Variants in PAICS observed in about 807,000 individuals in gnomAD.
PAICS encodes the protein phosphoribosylaminoimidazole carboxylase and phosphoribosylaminoimidazolesuccinocarboxamide synthase, also known as bifunctional phosphoribosylaminoimidazole carboxylase/phosphoribosylaminoimidazole succinocarboxamide synthetase.
Under a neutral mutation model 53.7 loss-of-function variants are expected in PAICS, and 33 were observed. The observed-to-expected ratio is 0.61, with a 90% CI of 0.47 to 0.82. PAICS has a LOEUF of 0.82. PAICS is among the 40% of genes least tolerant of loss of function. The pLI is 0.00. For missense variants in PAICS, 394 were observed against 494.1 expected (o/e 0.80, Z 1.92); for synonymous variants, 141 against 167.2 (o/e 0.84, Z 1.21).
rs989673986 is a variant in PAICS, at chr4:56,460,321, G to A, written c.*783G>A. ...ACTCACTGTTGCAAGTCAGAAGCTTGATTTCATCATTGATGTTTTTCTCAC... is the reference window on the plus strand; with the variant it reads ...ACTCACTGTTGCAAGTCAGAAGCTTAATTTCATCATTGATGTTTTTCTCAC... On this transcript the variant is annotated 3_prime_UTR_variant, in exon 9 of 9. Transcript: ENST00000512576. 1 of 152,146 alleles carries A rather than the reference G, an allele frequency of 6.6e-6. No individual in the cohort carries two copies. Among genetic ancestry groups the A allele is most frequent in the African/African-American group, 2.4e-5 (1 of 41,436 alleles). The allele number at this position is 152,146 out of a possible 1,614,324, so 9.4% of individuals were successfully genotyped here.
At chr4:56,446,192 G>A (rs1718605924) in intron 2 of PAICS, among the ~76,000 whole-genome samples, 1 of 152,102 alleles carries the variant, frequency 6.6e-6, no homozygotes, top group South Asian at 2.1e-4. Flanking sequence ...CCAATTCAGT[G>A]GCATTATGTG....
At chr4:56,435,507 G>A (rs1717859996), upstream of PAICS, 1 of 1,612,564 alleles carries the variant, frequency 6.2e-7, no homozygotes, top group Non-Finnish European at 8.5e-7. Flanking sequence ...GGAAGGACCT[G>A]CCGCTGCGGC....
At chr4:56,432,470 G>A (rs998592848), upstream of PAICS, among the ~76,000 whole-genome samples, 3 of 147,930 alleles carry the variant, frequency 2.0e-5, no homozygotes, top group Non-Finnish European at 3.0e-5. Context: ...AGGTTGCAAT[G>A]AGCCCAGATC....
intron 3 of PAICS, among the ~76,000 whole-genome samples, chr4:56,447,765 A>G (rs1309582215): frequency 6.6e-6 from 1 of 152,224 alleles, no homozygotes; most frequent in Non-Finnish European, 1.5e-5. Context: ...TTAAAGTGCT[A>G]TTGAGAGTAA....
At chr4:56,450,953 G>T in intron 6 of PAICS, 1 of 309,384 alleles carries the variant, frequency 3.2e-6, no homozygotes, top group Admixed American at 4.7e-5. Flanking sequence ...GAGTAGCTGG[G>T]ACTACAGGCG....
At chr4:56,428,362 A>C in the PAICS span, among the ~76,000 whole-genome samples, 1 of 152,228 alleles carries the variant, frequency 6.6e-6, no homozygotes, top group Admixed American at 6.5e-5. Flanking sequence ...TGATGAAAAA[A>C]TTAAGCGAAT....
At chr4:56,450,369 C>T (rs1034944514) in intron 5 of PAICS, among the ~76,000 whole-genome samples, 1 of 152,118 alleles carries the variant, frequency 6.6e-6, no homozygotes, top group Non-Finnish European at 1.5e-5. Flanking sequence ...CCTTTCTATA[C>T]TTAATATATA....
rs201315571 is a variant in PAICS at position 56,446,766 on chromosome 4, A to G, written c.286A>G (p.Ile96Val). ...TGCACCGCAGTGTGAAATGATTCCA[A>G]TTGAATGGGTTTGCAGAAGAATAGC... is the stretch of plus-strand genomic sequence containing the variant. ...FIAPQCEMIPIEWVCRRIATG... is the reference protein window; with the variant it reads ...FIAPQCEMIPVEWVCRRIATG... The change falls in exon 3 of 9, where the codon ATT (isoleucine) becomes GTT (valine). Residue 96 changes from isoleucine (I) to valine (V), a missense_variant. Coordinates refer to ENST00000512576, the MANE Select transcript of PAICS (RefSeq NM_001079524.2). 1.2e-4 allele frequency: 185 copies of G among 1,607,462 alleles called. No individual in the cohort carries two copies. Among genetic ancestry groups the G allele is most frequent in the Non-Finnish European group, 1.5e-4 (175 of 1,176,372 alleles).
chr4:56,431,195 T>C (rs1042275134), upstream of PAICS, among the ~76,000 whole-genome samples: 12 of 152,204 alleles, frequency 7.9e-5, no homozygotes, highest in Admixed American at 7.2e-4. Context: ...TATAGGAATG[T>C]TACATATTTG....
At chr4:56,435,753 G>A, upstream of PAICS, 1 of 1,491,982 alleles carries the variant, frequency 6.7e-7, no homozygotes, top group Non-Finnish European at 8.9e-7. Flanking sequence ...GGTGGAGCTA[G>A]CCTTCCCCTA....
rs1197134139 is a variant in PAICS, at chr4:56,461,473, C to A, written c.*1935C>A. On this transcript the variant is annotated 3_prime_UTR_variant, in exon 9 of 9. Transcript: ENST00000512576. Reference sequence around the variant, plus strand: ...CAGTATATGAAAATTTTTAAACTTTCATTTAGACTGGTGGATAGGACTGAC... The same window carrying A: ...CAGTATATGAAAATTTTTAAACTTTAATTTAGACTGGTGGATAGGACTGAC... 1.3e-5 allele frequency: 2 copies of A among 152,084 alleles called. No individual in the cohort carries two copies. Among genetic ancestry groups the A allele is most frequent in the Non-Finnish European group, 2.9e-5 (2 of 67,996 alleles). 9.4% of individuals were successfully genotyped at this position (152,084 alleles called of 1,614,324 possible).
chr4:56,438,402 T>TAA lies in PAICS; in HGVS notation c.16+2077_16+2078dup, dbSNP rs1553941216. On this transcript the variant is annotated intron_variant, in intron 1 of 8. Transcript: ENST00000512576. ...ATATATATATATATATATATATATA[T>TAA]AAAAGGTTTTTTTTGTTGTTGTTTT... is the stretch of plus-strand genomic sequence containing the variant. 8.4e-3 allele frequency among the ~76,000 whole-genome samples: 1,115 copies of TAA among 132,132 alleles called. 26 individuals are homozygous for TAA. Among genetic ancestry groups the TAA allele is most frequent in the African/African-American group, 0.028 (1,044 of 36,652 alleles). The allele number at this position is 132,132 out of a possible 152,430, so 86.7% of individuals were successfully genotyped here. A position where few individuals can be genotyped will look rare whatever the true frequency, so the allele number is the denominator to read the frequency against.
At chr4:56,435,223 A>G (rs1717834987), upstream of PAICS, 1 of 1,370,922 alleles carries the variant, frequency 7.3e-7, no homozygotes, top group Admixed American at 2.0e-5. Flanking sequence ...CGCCACAGGC[A>G]GGTACTGGCT....
intron 2 of PAICS, 47 bp downstream of exon 2, chr4:56,441,907 A>G (rs1468548944): frequency 1.0e-5 from 13 of 1,262,562 alleles, no homozygotes; most frequent in Non-Finnish European, 1.3e-5. Flanking sequence ...TCTGGTAAGC[A>G]TGTCGATGTC....
the PAICS span, chr4:56,421,440 G>C: frequency 1.3e-5 from 2 of 152,412 alleles, no homozygotes; most frequent in Non-Finnish European, 2.9e-5. Flanking sequence ...CTGGTCCATG[G>C]AAAAATTGTC....
In PAICS at chr4:56,459,544, A is replaced by G; in HGVS notation, c.*6A>G. 1 of 1,530,942 alleles carries G rather than the reference A, an allele frequency of 6.5e-7. No individual in the cohort carries two copies. The highest frequency in any genetic ancestry group is 8.9e-7 in the Non-Finnish European group (1 of 1,129,014). The allele number at this position is 1,530,942 out of a possible 1,614,324, so 94.8% of individuals were successfully genotyped here. ...TCAGAGAATGTAATTTATAAGAAAGAATGCCATTGAATTTTTTAGGGGAAA... is the reference window on the plus strand; with the variant it reads ...TCAGAGAATGTAATTTATAAGAAAGGATGCCATTGAATTTTTTAGGGGAAA... On this transcript the variant is annotated 3_prime_UTR_variant, in exon 9 of 9. Coordinates refer to ENST00000512576, the MANE Select transcript of PAICS (RefSeq NM_001079524.2).
intron 5 of PAICS, among the ~76,000 whole-genome samples, chr4:56,449,805 C>CAAA (rs753536092): frequency 1.3e-4 from 12 of 92,610 alleles, no homozygotes; most frequent in African/African-American, 3.3e-4. Context: ...AACCTTGTCT[C>CAAA]AAAAAAAAAA....
At position 56,446,855 on chromosome 4, in the gene PAICS, AGTG is replaced by A. The variant is rs1718644961; in HGVS notation, c.377_379del (p.Val126del). ...AAGGATATAAGTTTTACCCACCTAA[AGTG>A]GAGTTGTTTTTCAAGGTAATTATCT... On this transcript the variant is annotated inframe_deletion, in exon 3 of 9. Transcript: ENST00000512576. The A allele has an allele frequency of 6.2e-7, 1 of 1,605,696 alleles. No homozygotes were observed. Among genetic ancestry groups the A allele is most frequent in the Non-Finnish European group, 8.5e-7 (1 of 1,175,316 alleles).
At chr4:56,453,335 C>T (rs1189293609) in intron 7 of PAICS, among the ~76,000 whole-genome samples, 2 of 152,166 alleles carry the variant, frequency 1.3e-5, no homozygotes, top group Non-Finnish European at 2.9e-5. Context: ...CCCTCACTGA[C>T]ACCCTGCTAT....
Sources: gnomAD v4.1 joint callset for allele counts (sites outside exome capture counted in the v4.1 genomes callset) on GRCh38, gnomAD v4.1.1 for gene constraint, MANE v1.5 for transcripts, NCBI Gene and HGNC (gene_info 2026-07-23, HGNC 2026-07-21) for gene names.